The following GNL3L variants were observed in gnomAD, a reference collection of about 807,000 sequenced individuals.
GNL3L encodes the protein guanine nucleotide-binding protein-like 3-like protein.
GNL3L carries 4 observed loss-of-function variants against 42.9 expected under a neutral mutation model. That is an observed-to-expected ratio of 0.09 (90% CI 0.05 to 0.21). The LOEUF (loss-of-function observed/expected upper bound fraction) is 0.21, where lower values mean the gene tolerates loss of function less well. GNL3L is among the 10% of genes least tolerant of loss of function. GNL3L has a pLI of 1.00. For synonymous variants in GNL3L, 159 were observed against 176.3 expected, an observed-to-expected ratio of 0.90 and a Z score of 0.78; for missense variants, 412 against 481.7, an observed-to-expected ratio of 0.86 and a Z score of 1.36.
At chrX:54,598,844 TA>T (rs1202909619) in intron 16 of GNL3L, among the ~76,000 whole-genome samples, 1 of 111,724 alleles carries the variant, frequency 9.0e-6, no homozygotes, top group African/African-American at 3.2e-5. Flanking sequence ...AAAGGATTTT[TA>T]AAAACTCAGA....
At chrX:54,623,933 T>TC (rs1258133289), downstream of GNL3L, among the ~76,000 whole-genome samples, 6 of 110,292 alleles carry the variant, frequency 5.4e-5, no homozygotes, top group African/African-American at 1.7e-4. Flanking sequence ...TTTTTTTTTT[T>TC]CCCTTGAGAC....
At chrX:54,532,316 T>G (rs1369361624) in intron 1 of GNL3L, among the ~76,000 whole-genome samples, 1 of 110,512 alleles carries the variant, frequency 9.0e-6, no homozygotes, top group Admixed American at 9.6e-5. Flanking sequence ...TGAGACCTAT[T>G]CCTCCCTTTG....
chrX:54,612,032 C>G (rs1487139085), intron 16 of GNL3L, among the ~76,000 whole-genome samples: 1 of 111,700 alleles, frequency 9.0e-6, no homozygotes, highest in Non-Finnish European at 1.9e-5. Flanking sequence ...CTGAAGTCCC[C>G]CACTATTATT....
intron 2 of GNL3L, among the ~76,000 whole-genome samples, chrX:54,533,177 C>T (rs1403604776): frequency 4.5e-5 from 5 of 110,073 alleles, no homozygotes; most frequent in Non-Finnish European, 9.4e-5. Context: ...CCTGTAACCC[C>T]GACATGTCCT....
At chrX:54,543,161 A>C in intron 6 of GNL3L, 46 bp from the exon 7 acceptor site, 1 of 1,190,463 alleles carries the variant, frequency 8.4e-7, no homozygotes, top group Non-Finnish European at 1.1e-6. Context: ...CATCACTGCT[A>C]CCCTATCCTT....
At chrX:54,570,181 G>C (rs1278991508), downstream of GNL3L, among the ~76,000 whole-genome samples, 1 of 111,878 alleles carries the variant, frequency 8.9e-6, no homozygotes, top group Non-Finnish European at 1.9e-5. Flanking sequence ...TTGTGGATTT[G>C]TCTGTTATTT....
chrX:54,614,565 G>A (rs866265495), intron 16 of GNL3L, among the ~76,000 whole-genome samples: 16 of 111,254 alleles, frequency 1.4e-4, no homozygotes, highest in African/African-American at 4.9e-4. Context: ...AATAGCCTGT[G>A]AGGGGACGCA....
downstream of GNL3L, among the ~76,000 whole-genome samples, chrX:54,569,464 A>C (rs1417362070): frequency 5.4e-5 from 6 of 112,114 alleles, no homozygotes; most frequent in East Asian, 1.7e-3. Context: ...TATCAAATTA[A>C]TTTTTGTAAA....
chrX:54,623,497 T>G (rs1194184243), downstream of GNL3L, among the ~76,000 whole-genome samples: 1 of 112,007 alleles, frequency 8.9e-6, no homozygotes, highest in Admixed American at 9.4e-5. Context: ...ATTCCTGACC[T>G]TGTGATCCGC....
the GNL3L span, among the ~76,000 whole-genome samples, chrX:54,641,986 T>C: frequency 9.0e-6 from 1 of 111,683 alleles, no homozygotes; most frequent in Admixed American, 9.5e-5. Flanking sequence ...GAGCAGAGGG[T>C]CCATGCCTCA....
chrX:54,567,833 A>G (rs767705377), downstream of GNL3L, among the ~76,000 whole-genome samples: 15 of 111,387 alleles, frequency 1.3e-4, no homozygotes, highest in Non-Finnish European at 2.3e-4. Context: ...TTATGCATCT[A>G]TTGAAATGAT....
In GNL3L at chrX:54,532,530, A is replaced by G. The variant is rs768844366; in HGVS notation, c.-37A>G. 1.7e-6 allele frequency: 2 copies of G among 1,156,440 alleles called. No individual in the cohort carries two copies. Among genetic ancestry groups the G allele is most frequent in the South Asian group, 3.6e-5 (2 of 55,408 alleles). On this transcript the variant is annotated 5_prime_UTR_variant, in exon 2 of 16. Coordinates refer to ENST00000360845, the MANE Select transcript of GNL3L (RefSeq NM_001184819.2). ...CTCCCATTCTGACAGGAAGAGAGCAAGCAGATTTGAACCTATCTGCTTTCA... is the reference window on the plus strand; with the variant it reads ...CTCCCATTCTGACAGGAAGAGAGCAGGCAGATTTGAACCTATCTGCTTTCA...
the GNL3L span, among the ~76,000 whole-genome samples, chrX:54,639,243 T>A: frequency 8.9e-6 from 1 of 111,793 alleles, no homozygotes; most frequent in African/African-American, 3.3e-5. Flanking sequence ...TTAAAAAAAA[T>A]TTAATAGTCA....
chrX:54,604,986 T>C (rs1056629930), intron 16 of GNL3L, among the ~76,000 whole-genome samples: 16 of 111,552 alleles, frequency 1.4e-4, no homozygotes, highest in Non-Finnish European at 5.6e-5. Context: ...CTGGTTGGTG[T>C]GTATGTGGCA....
chrX:54,603,515 C>T (rs1926026039), intron 16 of GNL3L, among the ~76,000 whole-genome samples: 2 of 111,196 alleles, frequency 1.8e-5, no homozygotes, highest in Admixed American at 9.5e-5. Context: ...AATAAATTTA[C>T]AGGGGAAAAT....
chrX:54,590,139 CA>C (rs1925848025), intron 16 of GNL3L, among the ~76,000 whole-genome samples: 1 of 110,954 alleles, frequency 9.0e-6, no homozygotes, highest in African/African-American at 3.3e-5. Context: ...GGAGTTTCAC[CA>C]GGTTGGTCAG....
intron 16 of GNL3L, among the ~76,000 whole-genome samples, chrX:54,572,912 G>A (rs1479973873): frequency 2.8e-5 from 3 of 108,135 alleles, no homozygotes; most frequent in Non-Finnish European, 5.8e-5. Flanking sequence ...CAGACAGGGC[G>A]GCGGGGCAGA....
intron 16 of GNL3L, among the ~76,000 whole-genome samples, chrX:54,589,535 T>A (rs752761907): frequency 2.3e-4 from 26 of 111,893 alleles, no homozygotes; most frequent in African/African-American, 8.1e-4. Context: ...CATAATGATC[T>A]CTAGTTCCAG....
Position 54,558,621 on chromosome X carries a change from C to T in GNL3L, c.1632C>T (p.Ala544=). The T allele has an allele frequency of 8.3e-7, 1 of 1,206,958 alleles. No individual in the cohort carries two copies. The highest frequency in any genetic ancestry group is 1.7e-5 in the African/African-American group (1 of 57,566). Reference sequence around the variant, plus strand: ...AACAGGGCCAGGCTCTGGCATCTGCCCTGAAAAATAAGAAGAAGATGCAGA... The same window carrying T: ...AACAGGGCCAGGCTCTGGCATCTGCTCTGAAAAATAAGAAGAAGATGCAGA... ...PLQQGQALAS[A]LKNKKKMQKR... is the part of the protein sequence containing the mutation. Residue 544 remains alanine (A), a synonymous_variant, in exon 15 of 16, where the codon GCC becomes GCT. Coordinates refer to ENST00000360845, the MANE Select transcript of GNL3L (RefSeq NM_001184819.2).
Sources: gnomAD v4.1 joint callset for allele counts (sites outside exome capture counted in the v4.1 genomes callset) on GRCh38, gnomAD v4.1.1 for gene constraint, MANE v1.5 for transcripts, NCBI Gene and HGNC (gene_info 2026-07-23, HGNC 2026-07-21) for gene names.